The following ROR1 variants were observed in gnomAD, a reference collection of about 807,000 sequenced individuals.
ROR1 encodes the protein inactive tyrosine-protein kinase transmembrane receptor ROR1.
A neutral mutation model predicts 78.8 loss-of-function variants in ROR1; 19 were observed. That is an observed-to-expected ratio of 0.24 (90% confidence interval 0.17 to 0.35). ROR1 has a LOEUF of 0.35. Ranked by LOEUF, ROR1 falls within the 10% of genes least tolerant of loss-of-function variation. The pLI is 1.00. For missense variants in ROR1, 917 were observed against 1,177.8 expected (o/e 0.78, Z 3.24); for synonymous variants, 386 against 433.6 (o/e 0.89, Z 1.36).
intron 1 of ROR1, among the ~76,000 whole-genome samples, chr1:63,852,254 T>C (rs752668190): frequency 8.5e-5 from 13 of 152,210 alleles, no homozygotes; most frequent in Non-Finnish European, 1.3e-4. Context: ...TCAGCCACCA[T>C]CTGTTTCACT....
chr1:63,776,257 T>C (rs1284968081), intron 1 of ROR1, among the ~76,000 whole-genome samples: 1 of 152,256 alleles, frequency 6.6e-6, no homozygotes, highest in East Asian at 1.9e-4. Context: ...TGTCCCTGCA[T>C]TGATTTTGCT....
At chr1:64,081,594 T>C (rs1285198449) in intron 4 of ROR1, among the ~76,000 whole-genome samples, 4 of 151,576 alleles carry the variant, frequency 2.6e-5, no homozygotes, top group Admixed American at 2.0e-4. Flanking sequence ...CTGAGCAACA[T>C]AGGGAGACTC....
At chr1:63,804,186 G>A (rs1048999922) in intron 1 of ROR1, among the ~76,000 whole-genome samples, 13 of 152,098 alleles carry the variant, frequency 8.5e-5, no homozygotes, top group African/African-American at 3.1e-4. Context: ...CAACTCTGTG[G>A]TGGTGGAACA....
At chr1:63,788,622 T>TTTTA (rs1032787791) in intron 1 of ROR1, 29 of 152,546 alleles carry the variant, frequency 1.9e-4, no homozygotes, top group African/African-American at 7.1e-4. Context: ...ATATTATATG[T>TTTTA]TATATATATA....
chr1:63,918,591 C>T (rs1029703348), intron 1 of ROR1, among the ~76,000 whole-genome samples: 4 of 152,148 alleles, frequency 2.6e-5, no homozygotes, highest in Non-Finnish European at 4.4e-5. Flanking sequence ...CACATGCTCT[C>T]GAGAATTTAG....
At chr1:64,173,493 C>A (rs371144744) in intron 8 of ROR1, among the ~76,000 whole-genome samples, 1 of 152,198 alleles carries the variant, frequency 6.6e-6, no homozygotes, top group Non-Finnish European at 1.5e-5. Flanking sequence ...CAGAGACATT[C>A]GGCTTCAATC....
intron 1 of ROR1, among the ~76,000 whole-genome samples, chr1:63,811,545 A>G (rs561801069): frequency 5.9e-5 from 9 of 152,158 alleles, no homozygotes; most frequent in Non-Finnish European, 1.2e-4. Context: ...AGTAGACCTT[A>G]TAGGGAAACC....
intron 1 of ROR1, among the ~76,000 whole-genome samples, chr1:63,823,514 A>G (rs946468730): frequency 7.9e-6 from 1 of 126,074 alleles, no homozygotes; most frequent in South Asian, 2.4e-4. Flanking sequence ...CAGTGGTGCT[A>G]TCATAGCTCG....
At chr1:64,090,394 T>G (rs1324360) in intron 4 of ROR1, among the ~76,000 whole-genome samples, 2,355 of 152,332 alleles carry the variant, frequency 0.015, 65 homozygotes, top group African/African-American at 0.051. Context: ...ACATGGATTA[T>G]GTCAAATATC....
At chr1:64,172,800 T>C (rs1288783310) in intron 8 of ROR1, among the ~76,000 whole-genome samples, 1 of 152,156 alleles carries the variant, frequency 6.6e-6, no homozygotes, top group East Asian at 1.9e-4. Flanking sequence ...TTCCACCACA[T>C]TGGTTCAAAC....
rs557731132 is a variant in ROR1, at chr1:63,999,865, A to G, written c.92-9440A>G. Among the ~76,000 whole-genome samples the G allele has an allele frequency of 1.1e-3, 174 of 152,306 alleles. 1 individual carries two copies. The highest frequency in any genetic ancestry group is 4.0e-3 in the African/African-American group (168 of 41,564). On this transcript the variant is annotated intron_variant, in intron 1 of 8. Transcript: ENST00000371079. ...GTATAACTTCATTCCCATTGTGTAT[A>G]GGACTTAACCAAGACTTCACTTGTT...
chr1:64,110,879 A>G (rs1351392495), intron 4 of ROR1: 1 of 152,048 alleles, frequency 6.6e-6, no homozygotes, highest in Non-Finnish European at 1.5e-5. Flanking sequence ...AAATACTTTC[A>G]TACCATATAT....
At chr1:64,007,646 A>C (rs11208332) in intron 1 of ROR1, among the ~76,000 whole-genome samples, 4,519 of 152,224 alleles carry the variant, frequency 0.03, 247 homozygotes, top group African/African-American at 0.1. Context: ...TGAAAATTAT[A>C]TTTTAAGTTA....
chr1:63,857,970 A>G (rs774019893), intron 1 of ROR1, among the ~76,000 whole-genome samples: 1 of 152,342 alleles, frequency 6.6e-6, no homozygotes, highest in South Asian at 2.1e-4. Flanking sequence ...TCAGGTTGCT[A>G]TGAGGAATAA....
chr1:64,104,154 A>C (rs140695289), intron 4 of ROR1, among the ~76,000 whole-genome samples: 1 of 152,212 alleles, frequency 6.6e-6, no homozygotes, highest in East Asian at 1.9e-4. Context: ...AAACATCTTT[A>C]CTATTATTAT....
chr1:64,067,424 G>A (rs1230724771), intron 4 of ROR1, among the ~76,000 whole-genome samples: 2 of 117,730 alleles, frequency 1.7e-5, no homozygotes, highest in Admixed American at 1.1e-4. Flanking sequence ...CAGCCTGGGC[G>A]ACAGAGCGAG....
chr1:64,025,864 G>A (rs866810563), intron 2 of ROR1, among the ~76,000 whole-genome samples: 5 of 152,130 alleles, frequency 3.3e-5, no homozygotes, highest in South Asian at 2.1e-4. Context: ...AGACTTGGGG[G>A]AAAGGGTGGG....
At chr1:64,028,994 C>T (rs999135921) in intron 2 of ROR1, 1 of 152,186 alleles carries the variant, frequency 6.6e-6, no homozygotes, top group African/African-American at 2.4e-5. Flanking sequence ...GCTGCCAAAA[C>T]AAGCCCCAGA....
intron 4 of ROR1, among the ~76,000 whole-genome samples, chr1:64,086,465 G>A (rs1647156316): frequency 6.6e-6 from 1 of 152,208 alleles, no homozygotes; most frequent in Non-Finnish European, 1.5e-5. Context: ...AACTGACAAT[G>A]TTCCTGCCAT....
Sources: allele counts gnomAD v4.1 joint callset (sites outside exome capture counted in the v4.1 genomes callset), GRCh38; gene constraint gnomAD v4.1.1; transcripts MANE v1.5; gene names NCBI Gene and HGNC (gene_info 2026-07-23, HGNC 2026-07-21).